Variants in DTNA observed in about 807,000 individuals in gnomAD.
The protein encoded by DTNA is dystrobrevin alpha.
DTNA carries 43 observed loss-of-function variants against 100.7 expected under a neutral mutation model. The observed-to-expected ratio is 0.43, with a 90% confidence interval of 0.33 to 0.55. DTNA has a LOEUF of 0.55. Among genes scored for constraint, DTNA ranks in the 20% least tolerant of loss-of-function variants. DTNA has a pLI of 0.04. For synonymous variants in DTNA, 349 were observed against 347.9 expected, an observed-to-expected ratio of 1.00 and a Z score of -0.04; for missense variants, 798 against 953.9, an observed-to-expected ratio of 0.84 and a Z score of 2.15.
At chr18:34,638,835 TTTTG>T (rs1210268688) in intron 1 of DTNA, among the ~76,000 whole-genome samples, 1 of 152,074 alleles carries the variant, frequency 6.6e-6, no homozygotes, top group Non-Finnish European at 1.5e-5. Flanking sequence ...CAGGCATTGT[TTTTG>T]TTTGTTTGTT....
At chr18:34,649,244 A>G (rs1316504167) in intron 1 of DTNA, among the ~76,000 whole-genome samples, 5 of 152,198 alleles carry the variant, frequency 3.3e-5, no homozygotes, top group Admixed American at 6.5e-5. Context: ...AGAGGTATTG[A>G]GAGAGCTATT....
chr18:34,600,937 A>G (rs972632210), intron 1 of DTNA, among the ~76,000 whole-genome samples: 12 of 152,206 alleles, frequency 7.9e-5, no homozygotes, highest in East Asian at 1.9e-4. Context: ...TTATACTCAC[A>G]TTCCCTTAGC....
rs75341783 is a variant in DTNA at position 34,518,349 on chromosome 18, A to C, written c.-2+24835A>C. ...TATGTTGGATTTGTGGTTTGCAAATAGTTTCTTTCAGTGTGTATCTTGTCT... is the reference window on the plus strand; with the variant it reads ...TATGTTGGATTTGTGGTTTGCAAATCGTTTCTTTCAGTGTGTATCTTGTCT... On this transcript the variant is annotated intron_variant, in intron 1 of 19. Transcript: ENST00000283365. Among the ~76,000 whole-genome samples the C allele has an allele frequency of 7.2e-5, 11 of 152,146 alleles. No homozygotes were observed. In the East Asian group the frequency reaches 2.1e-3, roughly 29 times the overall value.
chr18:34,526,537 A>G (rs2042633459), intron 1 of DTNA, among the ~76,000 whole-genome samples: 1 of 152,132 alleles, frequency 6.6e-6, no homozygotes, highest in African/African-American at 2.4e-5. Flanking sequence ...ATATTACACT[A>G]AGTATTACCT....
intron 15 of DTNA, among the ~76,000 whole-genome samples, chr18:34,855,139 G>A (rs1462852152): frequency 6.6e-6 from 1 of 152,182 alleles, no homozygotes; most frequent in Non-Finnish European, 1.5e-5. Flanking sequence ...AATACACATA[G>A]ACTTTGAGAA....
At chr18:34,724,360 G>A (rs568674537) in intron 1 of DTNA, among the ~76,000 whole-genome samples, 7 of 152,254 alleles carry the variant, frequency 4.6e-5, no homozygotes, top group African/African-American at 9.6e-5. Flanking sequence ...CTACTAAAGC[G>A]GTGTTTACTA....
chr18:34,747,647 G>A (rs67808054), intron 1 of DTNA, among the ~76,000 whole-genome samples: 3 of 152,146 alleles, frequency 2.0e-5, no homozygotes, highest in Middle Eastern at 3.4e-3. Flanking sequence ...TCCAGCTCCA[G>A]CCATGTTGCT....
At chr18:34,837,561 G>GT (rs565652215) in intron 11 of DTNA, among the ~76,000 whole-genome samples, 306 of 152,296 alleles carry the variant, frequency 2.0e-3, no homozygotes, top group Middle Eastern at 6.8e-3. Flanking sequence ...ACTCAAAGGT[G>GT]TATTTCTCTG....
chr18:34,567,650 CTTAGGGTTAAACCATGCAATG>C (rs2047199691), intron 1 of DTNA, among the ~76,000 whole-genome samples: 1 of 152,002 alleles, frequency 6.6e-6, no homozygotes, highest in South Asian at 2.1e-4. Flanking sequence ...CAGCTTTTGT[CTTAGGGTTAAACCATGCAATG>C]TTATAGATCT....
At chr18:34,609,046 T>C (rs2053685681) in intron 1 of DTNA, among the ~76,000 whole-genome samples, 1 of 152,162 alleles carries the variant, frequency 6.6e-6, no homozygotes, top group African/African-American at 2.4e-5. Context: ...AAATAAAGAA[T>C]GACTTTGAAC....
At chr18:34,745,417 G>GAA in intron 1 of DTNA, among the ~76,000 whole-genome samples, 1 of 152,138 alleles carries the variant, frequency 6.6e-6, no homozygotes, top group African/African-American at 2.4e-5. Flanking sequence ...AATTGGGGGA[G>GAA]GATCTATTTC....
intron 1 of DTNA, among the ~76,000 whole-genome samples, chr18:34,740,621 C>G (rs911776878): frequency 2.0e-5 from 3 of 151,968 alleles, no homozygotes; most frequent in African/African-American, 7.3e-5. Context: ...GAGACCTTGT[C>G]TCTATGAAAA....
At chr18:34,838,487 T>A (rs555313576) in intron 12 of DTNA, among the ~76,000 whole-genome samples, 1 of 152,338 alleles carries the variant, frequency 6.6e-6, no homozygotes, top group Non-Finnish European at 1.5e-5. Flanking sequence ...GCCTTAGTGG[T>A]TGAAAAATGT....
In DTNA at chr18:34,703,231, A is replaced by G. The variant is rs532264309; in HGVS notation, c.-1-52745A>G. On this transcript the variant is annotated intron_variant, in intron 1 of 19. Transcript: ENST00000283365. ...GTAGAGCGTTCCTACATGTACTACA[A>G]ATATAAGTGGCTAATATCCTTTGAA... 8.5e-5 allele frequency among the ~76,000 whole-genome samples: 13 copies of G among 152,294 alleles called. No homozygotes were observed. The South Asian group carries it at 1.5e-3, about 17-fold the overall frequency.
At chr18:34,731,135 A>T (rs1568345161) in intron 1 of DTNA, among the ~76,000 whole-genome samples, 1 of 152,218 alleles carries the variant, frequency 6.6e-6, no homozygotes, top group African/African-American at 2.4e-5. Flanking sequence ...ATAGAAAAAA[A>T]GGGTTATCTG....
chr18:34,622,293 A>G (rs1197609264), intron 1 of DTNA, among the ~76,000 whole-genome samples: 1 of 152,132 alleles, frequency 6.6e-6, no homozygotes, highest in Non-Finnish European at 1.5e-5. Flanking sequence ...TAAAGTAGGG[A>G]GGTGGAGAGA....
rs141358373 is a variant in DTNA, at chr18:34,777,437, A to C, written c.148+11396A>C. Among the ~76,000 whole-genome samples the C allele has an allele frequency of 4.7e-3, 711 of 152,342 alleles. 6 individuals are homozygous for C. Among genetic ancestry groups the C allele is most frequent in the African/African-American group, 0.016 (664 of 41,572 alleles). On this transcript the variant is annotated intron_variant, in intron 3 of 22. Coordinates refer to ENST00000444659, the MANE Select transcript of DTNA (RefSeq NM_001386795.1). ...ACATTAAGTTGTATTTCAGAAATGA[A>C]AAATATTTATAGATATCTTCTGGGT... is the stretch of plus-strand genomic sequence containing the variant.
At chr18:34,751,624 C>A (rs2092330961) in intron 1 of DTNA, among the ~76,000 whole-genome samples, 1 of 152,206 alleles carries the variant, frequency 6.6e-6, no homozygotes, top group Non-Finnish European at 1.5e-5. Context: ...CTTCACGATT[C>A]TATTTGCCCT....
intron 1 of DTNA, among the ~76,000 whole-genome samples, chr18:34,613,325 G>C (rs577028693): frequency 8.1e-4 from 123 of 152,216 alleles, no homozygotes; most frequent in Middle Eastern, 3.4e-3. Context: ...TTGAAATTAG[G>C]CCAAGTAATA....
Sources: allele counts gnomAD v4.1 joint callset (sites outside exome capture counted in the v4.1 genomes callset), GRCh38; gene constraint gnomAD v4.1.1; transcripts MANE v1.5; gene names NCBI Gene and HGNC (gene_info 2026-07-23, HGNC 2026-07-21).